Variants in CCDC192 observed in about 807,000 individuals in gnomAD.
The protein encoded by CCDC192 is coiled-coil domain-containing protein 192.
chr5:127,941,152 C>T, intron 6 of CCDC192, 30 bp from the exon 7 acceptor site: 1 of 398,990 alleles, frequency 2.5e-6, no homozygotes, highest in Middle Eastern at 6.3e-4. Context: ...ATCAAAACTG[C>T]TCAGACTTTC....
chr5:127,933,168 A>T (rs1333117920), intron 6 of CCDC192, among the ~76,000 whole-genome samples: 1 of 152,202 alleles, frequency 6.6e-6, no homozygotes, highest in Non-Finnish European at 1.5e-5. Context: ...GTTACGTGCT[A>T]TCGAAGTAAA....
chr5:127,815,737 G>A (rs757306129), intron 5 of CCDC192, among the ~76,000 whole-genome samples: 4 of 151,904 alleles, frequency 2.6e-5, no homozygotes, highest in African/African-American at 7.3e-5. Flanking sequence ...GCATGGTGGC[G>A]GGCACCTGTA....
intron 2 of CCDC192, among the ~76,000 whole-genome samples, chr5:127,722,807 C>T (rs1167831991): frequency 6.6e-6 from 1 of 152,018 alleles, no homozygotes; most frequent in Non-Finnish European, 1.5e-5. Flanking sequence ...TATTTTGCTC[C>T]ATTTGTCTGT....
intron 6 of CCDC192, among the ~76,000 whole-genome samples, chr5:127,923,744 T>A (rs1753795804): frequency 6.6e-6 from 1 of 152,138 alleles, no homozygotes; most frequent in South Asian, 2.1e-4. Flanking sequence ...GCTTTAGGAA[T>A]ATGATGGACA....
chr5:127,762,056 C>G (rs1291569320), intron 3 of CCDC192, among the ~76,000 whole-genome samples: 1 of 150,010 alleles, frequency 6.7e-6, no homozygotes, highest in Non-Finnish European at 1.5e-5. Context: ...AAAAAATGCT[C>G]TGTTTTTTTT....
At chr5:127,883,222 C>G (rs924473882) in intron 6 of CCDC192, among the ~76,000 whole-genome samples, 1 of 152,180 alleles carries the variant, frequency 6.6e-6, no homozygotes, top group Non-Finnish European at 1.5e-5. Context: ...GATGTCTCCC[C>G]CACAGGAATC....
intron 5 of CCDC192, among the ~76,000 whole-genome samples, chr5:127,804,953 C>G (rs915558526): frequency 2.0e-5 from 3 of 152,168 alleles, no homozygotes; most frequent in Non-Finnish European, 4.4e-5. Flanking sequence ...CCTCATGCTC[C>G]TTGTGCTGGG....
chr5:127,801,694 G>A (rs779864476), intron 5 of CCDC192, among the ~76,000 whole-genome samples: 3 of 152,114 alleles, frequency 2.0e-5, no homozygotes, highest in African/African-American at 7.2e-5. Context: ...ATTATTTTCT[G>A]TGGGTCCCCA....
intron 6 of CCDC192, among the ~76,000 whole-genome samples, chr5:127,919,013 A>ATGTGTGTATATATC (rs1753617927): frequency 5.5e-5 from 8 of 145,100 alleles, no homozygotes; most frequent in Non-Finnish European, 1.3e-4. Context: ...GTATGTATAT[A>ATGTGTGTATATATC]TGTGTGTGTA....
chr5:127,778,810 A>G (rs1238761123), intron 3 of CCDC192, among the ~76,000 whole-genome samples: 2 of 151,776 alleles, frequency 1.3e-5, no homozygotes, highest in Admixed American at 6.6e-5. Context: ...TTGTAGGTCA[A>G]TTGACATTTT....
At chr5:127,747,414 T>C (rs1275450508) in intron 2 of CCDC192, among the ~76,000 whole-genome samples, 1 of 152,158 alleles carries the variant, frequency 6.6e-6, no homozygotes, top group African/African-American at 2.4e-5. Flanking sequence ...ATTTCATCCA[T>C]GTCCCTACAA....
chr5:127,763,012 A>G (rs1337693652), intron 3 of CCDC192, among the ~76,000 whole-genome samples: 3 of 151,836 alleles, frequency 2.0e-5, no homozygotes, highest in African/African-American at 7.3e-5. Context: ...CCATTTTGCA[A>G]ATGATGAAAG....
At chr5:127,717,958 A>G (rs954599612) in intron 2 of CCDC192, among the ~76,000 whole-genome samples, 4 of 151,386 alleles carry the variant, frequency 2.6e-5, no homozygotes, top group Non-Finnish European at 5.9e-5. Context: ...AAACAAGAAC[A>G]AAACAAAACA....
chr5:127,834,898 A>G (rs975136324), intron 5 of CCDC192, among the ~76,000 whole-genome samples: 3 of 152,224 alleles, frequency 2.0e-5, no homozygotes, highest in Non-Finnish European at 4.4e-5. Context: ...GTATATATAT[A>G]CATATTTTTT....
chr5:127,933,163 G>C (rs988164155), intron 6 of CCDC192, among the ~76,000 whole-genome samples: 2 of 152,142 alleles, frequency 1.3e-5, no homozygotes, highest in African/African-American at 4.8e-5. Context: ...AATAGGTTAC[G>C]TGCTATCGAA....
At chr5:127,869,776 ATT>A (rs1189439076) in intron 5 of CCDC192, among the ~76,000 whole-genome samples, 2 of 152,148 alleles carry the variant, frequency 1.3e-5, no homozygotes, top group Non-Finnish European at 2.9e-5. Flanking sequence ...CTGGGATTTC[ATT>A]TTCTTTTTAT....
chr5:127,815,640 G>A (rs1162895649), intron 5 of CCDC192, among the ~76,000 whole-genome samples: 2 of 152,008 alleles, frequency 1.3e-5, no homozygotes, highest in Non-Finnish European at 2.9e-5. Context: ...AGGCTGAGAC[G>A]GGTGGGTCAC....
At chr5:127,759,726 T>A (rs1261231529) in intron 3 of CCDC192, among the ~76,000 whole-genome samples, 6 of 152,040 alleles carry the variant, frequency 3.9e-5, no homozygotes, top group African/African-American at 1.4e-4. Flanking sequence ...AATTAACGAG[T>A]TCCAACCTAC....
chr5:127,905,313 C>T (rs1387325177), intron 6 of CCDC192, among the ~76,000 whole-genome samples: 5 of 152,116 alleles, frequency 3.3e-5, no homozygotes, highest in African/African-American at 9.7e-5. Flanking sequence ...CTTTAGGCTT[C>T]GGATTCCCTC....
Sources: gnomAD v4.1 joint callset for allele counts (sites outside exome capture counted in the v4.1 genomes callset) on GRCh38, gnomAD v4.1.1 for gene constraint, MANE v1.5 for transcripts, NCBI Gene and HGNC (gene_info 2026-07-23, HGNC 2026-07-21) for gene names.